Variants in EIF3A observed in about 807,000 individuals in gnomAD.
EIF3A encodes the protein eukaryotic translation initiation factor 3 subunit A, also known as EIF3, p180 subunit.
Under a neutral mutation model 186.6 loss-of-function variants are expected in EIF3A, and 21 were observed. That is an observed-to-expected ratio of 0.11 (90% CI 0.08 to 0.16). The LOEUF (loss-of-function observed/expected upper bound fraction) is 0.16, where lower values mean the gene tolerates loss of function less well. Among genes scored for constraint, EIF3A ranks in the 10% least tolerant of loss-of-function variants. The pLI is 1.00. For missense variants in EIF3A, 1,306 were observed against 1,796.3 expected, an observed-to-expected ratio of 0.73 and a Z score of 4.93; for synonymous variants, 563 against 584.3, an observed-to-expected ratio of 0.96 and a Z score of 0.52.
chr10:119,056,945 T>C lies in EIF3A; in HGVS notation c.2073A>G (p.Gln691=). ...KKELQERLKN[Q]EKKIDYFERA... The stretch of plus-strand genomic sequence containing the variant: ...CAACCCTTTCATTTACCTTCTTTTC[T>C]TGATTCTTTAGGCGTTCTTGAAGTT... Residue 691 remains glutamine, a synonymous_variant, in exon 13 of 22, where the codon CAA becomes CAG. Coordinates refer to ENST00000369144, the MANE Select transcript of EIF3A (RefSeq NM_003750.4). The C allele has an allele frequency of 6.2e-7, 1 of 1,610,446 alleles. No individual in the cohort carries two copies. Among genetic ancestry groups the C allele is most frequent in the African/African-American group, 1.3e-5 (1 of 74,892 alleles).
intron 12 of EIF3A, among the ~76,000 whole-genome samples, chr10:119,057,712 T>C (rs113531063): frequency 0.016 from 2,461 of 152,060 alleles, 69 homozygotes; most frequent in African/African-American, 0.056. Flanking sequence ...GAGGCGGAGG[T>C]TGCAGTGAGC....
In EIF3A at chr10:119,080,750, G is replaced by GA; in HGVS notation, c.-75dup. 6.5e-7 allele frequency: 1 copy of GA among 1,537,182 alleles called. No homozygotes were observed. The highest frequency in any genetic ancestry group is 8.8e-7 in the Non-Finnish European group (1 of 1,141,958). On this transcript the variant is annotated 5_prime_UTR_variant, in exon 1 of 22. Coordinates refer to ENST00000369144, the MANE Select transcript of EIF3A (RefSeq NM_003750.4). Reference sequence around the variant, plus strand: ...CCGGGCCGGGAGAGGAGACGAAGGGGAACCAGCGTAAGGTCCCACGCGCCT... The same window carrying GA: ...CCGGGCCGGGAGAGGAGACGAAGGGGAAACCAGCGTAAGGTCCCACGCGCCT...
chr10:119,066,103 C>G lies in EIF3A; in HGVS notation c.951-533G>C, dbSNP rs573386887. The stretch of plus-strand genomic sequence containing the variant: ...TGCACTCCAGCCTGGGCGACAGAGC[C>G]AGACTCTGTCTCAAAAAAGAAAAAA... On this transcript the variant is annotated intron_variant, in intron 6 of 21. Transcript: ENST00000369144. Among the ~76,000 whole-genome samples the G allele has an allele frequency of 2.6e-4, 38 of 147,686 alleles. No homozygotes were observed. The South Asian group carries it at 8.3e-3, about 32-fold the overall frequency.
At chr10:119,049,153 C>A (rs1848321465) in intron 17 of EIF3A, among the ~76,000 whole-genome samples, 1 of 152,008 alleles carries the variant, frequency 6.6e-6, no homozygotes, top group Non-Finnish European at 1.5e-5. Context: ...GGAAAACTAC[C>A]ACATTAAAAA....
chr10:119,051,147 C>T (rs1453542005), intron 15 of EIF3A, 52 bp downstream of exon 15: 5 of 1,531,332 alleles, frequency 3.3e-6, no homozygotes, highest in Non-Finnish European at 4.4e-6. Context: ...AACCCTTAGG[C>T]CAATACTAGA....
At position 119,080,635 on chromosome 10, in the gene EIF3A, G is replaced by C; in HGVS notation, c.42C>G (p.Arg14=). The C allele has an allele frequency of 6.3e-7, 1 of 1,594,576 alleles. No homozygotes were observed. The change falls in exon 1 of 22, where the codon CGC becomes CGG. Residue 14 remains arginine (R), a synonymous_variant. Transcript: ENST00000369144. ...CCCCGATCAGCTACTCACCGTTGGC[G>C]CGTTTGAGGGCATTTTCCGGCCTCT... ...YFQRPENALK[R]ANEFLEVGKK...
intron 8 of EIF3A, 82 bp downstream of exon 8, chr10:119,061,142 T>G (rs1843878158): frequency 5.6e-6 from 4 of 718,820 alleles, no homozygotes; most frequent in Non-Finnish European, 9.2e-6. Context: ...AAAACTTCTC[T>G]CTTAACAAAT....
chr10:119,070,632 T>C (rs924609446), intron 5 of EIF3A, among the ~76,000 whole-genome samples: 2 of 152,188 alleles, frequency 1.3e-5, no homozygotes, highest in African/African-American at 2.4e-5. Flanking sequence ...GCACTGGCAA[T>C]GTATTGTTTT....
At chr10:119,036,479 C>G (rs192286142) in intron 21 of EIF3A, among the ~76,000 whole-genome samples, 1 of 152,136 alleles carries the variant, frequency 6.6e-6, no homozygotes, top group Admixed American at 6.5e-5. Context: ...ACAGATAAAA[C>G]TCAAAATCTG....
chr10:119,039,194 C>T (rs1209102091), intron 19 of EIF3A, among the ~76,000 whole-genome samples: 2 of 152,166 alleles, frequency 1.3e-5, no homozygotes, highest in African/African-American at 2.4e-5. Flanking sequence ...ATATTCCTGT[C>T]CTCCACCATT....
chr10:119,072,433 GT>G lies in EIF3A; in HGVS notation c.541+456del, dbSNP rs1413407692. 5.7e-3 allele frequency among the ~76,000 whole-genome samples: 20 copies of G among 3,492 alleles called. No homozygotes were observed. The South Asian group carries it at 0.11, about 19-fold the overall frequency. The allele number at this position is 3,492 out of a possible 152,430, so 2.3% of individuals were successfully genotyped here. A position where few individuals can be genotyped will look rare whatever the true frequency, so the allele number is the denominator to read the frequency against. Reference sequence around the variant, plus strand: ...ACAAATTCCTTACTCAGTCATTTTGGTTTTGTTTTGTTTTGTTTTGTTTTGT... The same window carrying G: ...ACAAATTCCTTACTCAGTCATTTTGGTTTGTTTTGTTTTGTTTTGTTTTGT... On this transcript the variant is annotated intron_variant, in intron 4 of 21. Transcript: ENST00000369144.
intron 17 of EIF3A, among the ~76,000 whole-genome samples, chr10:119,045,106 G>A (rs903848142): frequency 6.6e-5 from 10 of 151,798 alleles, no homozygotes; most frequent in African/African-American, 2.4e-4. Flanking sequence ...CTCCATGCCC[G>A]ACTAATTTTT....
At chr10:119,056,577 T>C (rs369831625) in intron 14 of EIF3A, among the ~76,000 whole-genome samples, 163 bp downstream of exon 14, 4 of 152,346 alleles carry the variant, frequency 2.6e-5, no homozygotes, top group African/African-American at 4.8e-5. Flanking sequence ...GTAATCTCTA[T>C]TGTGAAATTT....
At chr10:119,073,131 C>T in intron 3 of EIF3A, 78 bp from the exon 4 acceptor site, 1 of 1,373,438 alleles carries the variant, frequency 7.3e-7, no homozygotes, top group Non-Finnish European at 9.8e-7. Flanking sequence ...AAACAATGTT[C>T]ATCAGAAAAC....
chr10:119,066,597 C>T (rs576727908), intron 6 of EIF3A, among the ~76,000 whole-genome samples: 2 of 142,038 alleles, frequency 1.4e-5, no homozygotes, highest in South Asian at 4.5e-4. Context: ...GAAGTGAACA[C>T]TATTATGGTA....
intron 14 of EIF3A, among the ~76,000 whole-genome samples, chr10:119,052,368 T>TTTTTTTTTTTTGTGTGTGTGTGTGTG (rs140398720): frequency 8.1e-6 from 1 of 122,972 alleles, no homozygotes; most frequent in African/African-American, 2.9e-5. Context: ...TTTTTTGGTT[T>TTTTTTTTTTTTGTGTGTGTGTGTGTG]TGTGTGTGTG....
intron 6 of EIF3A, among the ~76,000 whole-genome samples, chr10:119,067,469 T>C (rs755581394): frequency 4.6e-5 from 7 of 152,152 alleles, no homozygotes; most frequent in Non-Finnish European, 1.0e-4. Context: ...CGCTCGCCTG[T>C]AGTCTCTGCT....
intron 1 of EIF3A, among the ~76,000 whole-genome samples, chr10:119,077,846 C>A (rs977456255): frequency 6.6e-6 from 1 of 152,158 alleles, no homozygotes; most frequent in Non-Finnish European, 1.5e-5. Flanking sequence ...AGCCACCACG[C>A]CCGGCCTCCT....
chr10:119,064,608 C>G (rs1843942570), intron 7 of EIF3A, among the ~76,000 whole-genome samples: 1 of 152,308 alleles, frequency 6.6e-6, no homozygotes, highest in South Asian at 2.1e-4. Flanking sequence ...TTCCTGAGGT[C>G]TCCCCAGATG....
Sources: allele counts gnomAD v4.1 joint callset (sites outside exome capture counted in the v4.1 genomes callset), GRCh38; gene constraint gnomAD v4.1.1; transcripts MANE v1.5; gene names NCBI Gene and HGNC (gene_info 2026-07-23, HGNC 2026-07-21).